CCSER2: variants seen among roughly 807,000 people sequenced by gnomAD.
CCSER2 encodes serine-rich coiled-coil domain-containing protein 2.
CCSER2 carries 46 observed loss-of-function variants against 92.3 expected under a neutral mutation model. The ratio of observed to expected loss-of-function variants is 0.50; its 90% CI spans 0.39 to 0.64. The LOEUF is 0.64. CCSER2 is among the 30% of genes least tolerant of loss of function. CCSER2 has a pLI of 0.00. For synonymous variants in CCSER2, 433 were observed against 431.4 expected, an observed-to-expected ratio of 1.00 and a Z score of -0.04; for missense variants, 1,244 against 1,238.9, an observed-to-expected ratio of 1.00 and a Z score of -0.06.
chr10:84,368,862 C>G (rs76305113), intron 1 of CCSER2, among the ~76,000 whole-genome samples: 11,638 of 152,112 alleles, frequency 0.077, 502 homozygotes, highest in Middle Eastern at 0.12. Context: ...TTCTGAGTCT[C>G]CAGTGTCCAT....
At chr10:84,435,770 A>C (rs77323615) in intron 5 of CCSER2, among the ~76,000 whole-genome samples, 2,600 of 152,304 alleles carry the variant, frequency 0.017, 42 homozygotes, top group Non-Finnish European at 0.029. Flanking sequence ...TTGCAAACAA[A>C]GTATACTGTA....
intron 1 of CCSER2, among the ~76,000 whole-genome samples, chr10:84,370,610 A>G (rs1846011433): frequency 6.6e-6 from 1 of 152,030 alleles, no homozygotes; most frequent in South Asian, 2.1e-4. Context: ...CTTTTATTTC[A>G]TTCTCTTGCC....
chr10:84,515,339 T>TA lies in CCSER2; in HGVS notation c.*1074dup. ...ACAAGTTAAAATATTTTGAGAAAAA[T>TA]AACAAATTTAAATAAGACTATCTTG... On this transcript the variant is annotated 3_prime_UTR_variant, in exon 10 of 10. Transcript: ENST00000372088. 1 of 152,700 alleles carries TA rather than the reference T, an allele frequency of 6.5e-6. No homozygotes were observed. Among genetic ancestry groups the TA allele is most frequent in the South Asian group, 2.1e-4 (1 of 4,824 alleles). 9.5% of individuals were successfully genotyped at this position (152,700 alleles called of 1,614,324 possible). A position where few individuals can be genotyped will look rare whatever the true frequency, so the allele number is the denominator to read the frequency against.
In CCSER2 at chr10:84,515,236, C is replaced by G. The variant is rs903843471; in HGVS notation, c.*969C>G. On this transcript the variant is annotated 3_prime_UTR_variant, in exon 10 of 10. Coordinates refer to ENST00000372088, the MANE Select transcript of CCSER2 (RefSeq NM_001284240.2). Reference sequence around the variant, plus strand: ...AATATCTGAAGACTGAAATAATGAACTTGAAACATTTGCACAAAACTTTGA... The same window carrying G: ...AATATCTGAAGACTGAAATAATGAAGTTGAAACATTTGCACAAAACTTTGA... The G allele has an allele frequency of 6.6e-6, 1 of 152,426 alleles. No individual in the cohort carries two copies. Among genetic ancestry groups the G allele is most frequent in the Non-Finnish European group, 1.5e-5 (1 of 67,990 alleles). The allele number at this position is 152,426 out of a possible 1,614,324, so 9.4% of individuals were successfully genotyped here. A position where few individuals can be genotyped will look rare whatever the true frequency, so the allele number is the denominator to read the frequency against.
chr10:84,442,414 G>C (rs1263970487), intron 6 of CCSER2, among the ~76,000 whole-genome samples: 1 of 152,136 alleles, frequency 6.6e-6, no homozygotes, highest in Non-Finnish European at 1.5e-5. Flanking sequence ...TACTAAAATG[G>C]AAAGGGGAGA....
intron 3 of CCSER2, among the ~76,000 whole-genome samples, chr10:84,377,126 ATTCTT>A: frequency 6.6e-6 from 1 of 152,042 alleles, no homozygotes; most frequent in East Asian, 1.9e-4. Flanking sequence ...TGTAGAGTGT[ATTCTT>A]TACTGTGAGT....
intron 1 of CCSER2, among the ~76,000 whole-genome samples, chr10:84,343,706 A>G (rs940751965): frequency 2.6e-5 from 4 of 152,222 alleles, no homozygotes; most frequent in Non-Finnish European, 4.4e-5. Context: ...ATTACAGGGA[A>G]AAGGCAAGAA....
At chr10:84,389,261 C>T in intron 3 of CCSER2, 1 of 500,646 alleles carries the variant, frequency 2.0e-6, no homozygotes, top group Non-Finnish European at 4.0e-6. Context: ...CTAGGCAGTC[C>T]CCAGGATCTC....
At chr10:84,352,236 G>A (rs189334820) in intron 1 of CCSER2, among the ~76,000 whole-genome samples, 6 of 152,184 alleles carry the variant, frequency 3.9e-5, no homozygotes, top group East Asian at 1.9e-4. Flanking sequence ...CTCAGGAGGC[G>A]GAGGTTGCAG....
chr10:84,329,304 AT>A (rs1843431113), intron 1 of CCSER2, among the ~76,000 whole-genome samples: 1 of 152,128 alleles, frequency 6.6e-6, no homozygotes, highest in South Asian at 2.1e-4. Context: ...TTAGACATGT[AT>A]TTTCATACAT....
At chr10:84,494,167 C>CCCAT (rs746041510) in intron 9 of CCSER2, among the ~76,000 whole-genome samples, 11 of 152,176 alleles carry the variant, frequency 7.2e-5, no homozygotes, top group African/African-American at 1.2e-4. Context: ...TTGCTAATAG[C>CCCAT]CCATGGATTG....
chr10:84,506,050 T>A (rs1046972592), intron 9 of CCSER2, among the ~76,000 whole-genome samples: 2 of 151,924 alleles, frequency 1.3e-5, no homozygotes, highest in East Asian at 3.9e-4. Context: ...TCTGTGTCTT[T>A]GAGATATAGA....
At chr10:84,400,734 C>T (rs912116703) in intron 3 of CCSER2, among the ~76,000 whole-genome samples, 2 of 151,680 alleles carry the variant, frequency 1.3e-5, no homozygotes, top group East Asian at 1.9e-4. Flanking sequence ...GCCAACATGA[C>T]GAATCCTCAT....
At chr10:84,465,875 C>T (rs552079126) in intron 7 of CCSER2, among the ~76,000 whole-genome samples, 92 of 152,112 alleles carry the variant, frequency 6.0e-4, no homozygotes, top group Non-Finnish European at 4.6e-4. Context: ...CTCAGCCTCC[C>T]GAGTAGCTGG....
intron 9 of CCSER2, among the ~76,000 whole-genome samples, chr10:84,503,592 C>G (rs773983386): frequency 7.9e-5 from 12 of 152,170 alleles, no homozygotes; most frequent in East Asian, 1.9e-4. Flanking sequence ...TTCCAAATAG[C>G]ATTTCTTGCC....
At chr10:84,470,570 C>A in intron 8 of CCSER2, 112 bp downstream of exon 8, 1 of 857,924 alleles carries the variant, frequency 1.2e-6, no homozygotes, top group Non-Finnish European at 1.6e-6. Context: ...CTCAAAGTTG[C>A]ACTTTTATAT....
chr10:84,440,483 A>G (rs1414832734), intron 6 of CCSER2, among the ~76,000 whole-genome samples: 1 of 152,136 alleles, frequency 6.6e-6, no homozygotes, highest in Non-Finnish European at 1.5e-5. Context: ...AAATTCATAC[A>G]CTATTCGAAG....
intron 7 of CCSER2, among the ~76,000 whole-genome samples, chr10:84,464,435 G>T (rs1451532671): frequency 6.6e-5 from 10 of 151,358 alleles, no homozygotes; most frequent in Admixed American, 2.0e-4. Flanking sequence ...GAGTGAAAGT[G>T]TTTTTTTATA....
chr10:84,497,744 C>G (rs187022736), intron 9 of CCSER2, among the ~76,000 whole-genome samples: 2 of 152,230 alleles, frequency 1.3e-5, no homozygotes, highest in East Asian at 3.9e-4. Flanking sequence ...GTGACAGATA[C>G]TTTCACCTAA....
Sources: gnomAD v4.1 joint callset for allele counts (sites outside exome capture counted in the v4.1 genomes callset) on GRCh38, gnomAD v4.1.1 for gene constraint, MANE v1.5 for transcripts, NCBI Gene and HGNC (gene_info 2026-07-23, HGNC 2026-07-21) for gene names.